Variants in FAF1 observed in about 807,000 individuals in gnomAD.
The protein encoded by FAF1 is Fas associated factor 1.
In FAF1, 25 loss-of-function variants were observed where a neutral mutation model predicts 92.5. The observed-to-expected ratio is 0.27, with a 90% confidence interval of 0.20 to 0.38. FAF1 has a LOEUF of 0.38. Among genes scored for constraint, FAF1 ranks in the 10% least tolerant of loss-of-function variants. FAF1 has a pLI of 1.00. For missense variants in FAF1, 636 were observed against 793.3 expected, an observed-to-expected ratio of 0.80 and a Z score of 2.38; for synonymous variants, 234 against 273.2, an observed-to-expected ratio of 0.86 and a Z score of 1.42.
At position 50,764,632 on chromosome 1, in the gene FAF1, T is replaced by C. The variant is rs1347110964; in HGVS notation, c.368-19857A>G. 3.3e-5 allele frequency among the ~76,000 whole-genome samples: 5 copies of C among 152,318 alleles called. No individual in the cohort carries two copies. In the East Asian group the frequency reaches 7.7e-4, roughly 24 times the overall value. On this transcript the variant is annotated intron_variant, in intron 4 of 18. Transcript: ENST00000396153. ...CTTGTTTCCCATTTCTCATGAATCA[T>C]AGGCCTACGCTGCCTAATGCCCAAT...
intron 7 of FAF1, among the ~76,000 whole-genome samples, chr1:50,671,126 C>T (rs1030430772): frequency 3.9e-5 from 6 of 152,042 alleles, no homozygotes; most frequent in African/African-American, 7.2e-5. Context: ...GTTTGAAGGC[C>T]GGGCACAGTG....
At chr1:50,886,821 T>C (rs1644669962) in intron 1 of FAF1, among the ~76,000 whole-genome samples, 1 of 152,214 alleles carries the variant, frequency 6.6e-6, no homozygotes, top group African/African-American at 2.4e-5. Flanking sequence ...CTATTGTGAA[T>C]AGTGCCGCAA....
chr1:50,590,441 T>C lies in FAF1; in HGVS notation c.841-5630A>G, dbSNP rs72900906. On this transcript the variant is annotated intron_variant, in intron 9 of 18. Coordinates refer to ENST00000396153, the MANE Select transcript of FAF1 (RefSeq NM_007051.3). ...TTGTTTTTCTAATTTTCTGTTCAGC[T>C]TGTTGACTGTTGGTTTATAGAAATG... 6.5e-3 allele frequency among the ~76,000 whole-genome samples: 992 copies of C among 152,354 alleles called. 19 individuals carry two copies. The highest frequency in any genetic ancestry group is 0.023 in the African/African-American group (947 of 41,582).
chr1:50,540,582 A>G (rs1300263489), intron 13 of FAF1, among the ~76,000 whole-genome samples: 2 of 152,216 alleles, frequency 1.3e-5, no homozygotes, highest in Non-Finnish European at 2.9e-5. Flanking sequence ...ACTGAAGTCT[A>G]GCATTAGTAT....
chr1:50,562,101 C>T (rs565366952), intron 13 of FAF1, among the ~76,000 whole-genome samples: 2 of 152,266 alleles, frequency 1.3e-5, no homozygotes, highest in Non-Finnish European at 2.9e-5. Context: ...AGAAGTGATA[C>T]CTGTCCTGAA....
intron 12 of FAF1, among the ~76,000 whole-genome samples, chr1:50,568,485 A>G (rs1650272763): frequency 6.6e-6 from 1 of 152,186 alleles, no homozygotes; most frequent in East Asian, 1.9e-4. Context: ...GTTTTCTTCA[A>G]AGGTAAATTT....
chr1:50,849,965 T>G lies in FAF1; in HGVS notation c.114+7964A>C, dbSNP rs139000074. The stretch of plus-strand genomic sequence containing the variant: ...TAAATCCTTTCAACAATACACATTC[T>G]CTTTAAATGCAGAATTGTGTGTGTG... On this transcript the variant is annotated intron_variant, in intron 2 of 18. Coordinates refer to ENST00000396153, the MANE Select transcript of FAF1 (RefSeq NM_007051.3). 3.8e-3 allele frequency among the ~76,000 whole-genome samples: 586 copies of G among 152,288 alleles called. 2 individuals are homozygous for G. Among genetic ancestry groups the G allele is most frequent in the Non-Finnish European group, 5.5e-3 (372 of 68,018 alleles).
At chr1:50,811,769 A>C (rs1643916969) in intron 2 of FAF1, among the ~76,000 whole-genome samples, 2 of 152,202 alleles carry the variant, frequency 1.3e-5, no homozygotes, top group African/African-American at 4.8e-5. Context: ...CTAAGCAAAA[A>C]GAGCCTAAGC....
chr1:50,491,869 T>A, intron 15 of FAF1, 68 bp from the exon 16 acceptor site: 1 of 1,161,458 alleles, frequency 8.6e-7, no homozygotes, highest in Non-Finnish European at 1.3e-6. Context: ...GAAAAAAAAC[T>A]AATGGTAATC....
chr1:50,893,233 T>C (rs1170270340), intron 1 of FAF1, among the ~76,000 whole-genome samples: 3 of 152,196 alleles, frequency 2.0e-5, no homozygotes, highest in Admixed American at 6.5e-5. Flanking sequence ...CTGGATAATC[T>C]TGATGCTTAT....
At chr1:50,637,673 A>G (rs1654104505) in intron 8 of FAF1, among the ~76,000 whole-genome samples, 1 of 114,758 alleles carries the variant, frequency 8.7e-6, no homozygotes, top group South Asian at 2.6e-4. Context: ...TGGCTCACAC[A>G]TATATATATG....
intron 2 of FAF1, 59 bp downstream of exon 2, chr1:50,857,870 A>C: frequency 9.4e-7 from 1 of 1,059,354 alleles, no homozygotes; most frequent in East Asian, 2.4e-5. Flanking sequence ...AAAATAATTA[A>C]AGACATTCAA....
At chr1:50,620,011 C>T (rs1400643170) in intron 8 of FAF1, among the ~76,000 whole-genome samples, 2 of 151,264 alleles carry the variant, frequency 1.3e-5, no homozygotes, top group Non-Finnish European at 2.9e-5. Flanking sequence ...CAGGTTCAAG[C>T]GATTCTCCTG....
intron 17 of FAF1, among the ~76,000 whole-genome samples, chr1:50,477,491 C>CT (rs1044907076): frequency 2.6e-5 from 4 of 151,806 alleles, no homozygotes; most frequent in Admixed American, 2.0e-4. Flanking sequence ...TATATTTTTG[C>CT]TTTTTTTTCA....
At chr1:50,956,080 A>T (rs1645264729) in intron 1 of FAF1, among the ~76,000 whole-genome samples, 1 of 152,226 alleles carries the variant, frequency 6.6e-6, no homozygotes, top group Admixed American at 6.5e-5. Flanking sequence ...TGATAGTAAC[A>T]AAGCAAAATG....
intron 15 of FAF1, among the ~76,000 whole-genome samples, chr1:50,504,814 A>C (rs1422869730): frequency 6.6e-6 from 1 of 152,230 alleles, no homozygotes; most frequent in Non-Finnish European, 1.5e-5. Context: ...TAGTAATAGA[A>C]ATAGTACTTA....
At chr1:50,834,558 G>A (rs2124636934) in intron 2 of FAF1, among the ~76,000 whole-genome samples, 1 of 152,316 alleles carries the variant, frequency 6.6e-6, no homozygotes, top group Admixed American at 6.5e-5. Context: ...ACTTGCCTAA[G>A]AAAGTATGGC....
intron 15 of FAF1, among the ~76,000 whole-genome samples, chr1:50,499,364 T>G (rs1451519471): frequency 2.7e-5 from 3 of 112,824 alleles, no homozygotes; most frequent in African/African-American, 6.3e-5. Flanking sequence ...AGCTGTAGGG[T>G]TTTTTTTTTT....
At chr1:50,958,477 A>G (rs1296107795) in intron 1 of FAF1, among the ~76,000 whole-genome samples, 1 of 152,118 alleles carries the variant, frequency 6.6e-6, no homozygotes, top group Admixed American at 6.5e-5. Flanking sequence ...GGAGATCAAG[A>G]CCATCCTGAC....
Sources: gnomAD v4.1 joint callset for allele counts (sites outside exome capture counted in the v4.1 genomes callset) on GRCh38, gnomAD v4.1.1 for gene constraint, MANE v1.5 for transcripts, NCBI Gene and HGNC (gene_info 2026-07-23, HGNC 2026-07-21) for gene names.